FHDC1: variants seen among roughly 807,000 people sequenced by gnomAD.
FHDC1 encodes FH2 domain-containing protein 1.
A neutral mutation model predicts 52.6 loss-of-function variants in FHDC1; 25 were observed. The ratio of observed to expected loss-of-function variants is 0.48; its 90% confidence interval spans 0.35 to 0.66. The LOEUF (loss-of-function observed/expected upper bound fraction) is 0.66. Among genes scored for constraint, FHDC1 ranks in the 30% least tolerant of loss-of-function variants. FHDC1 has a pLI of 0.01. For missense variants in FHDC1, 1,459 were observed against 1,452.8 expected (o/e 1.00, Z -0.07); for synonymous variants, 616 against 581.5 (o/e 1.06, Z -0.85).
upstream of FHDC1, among the ~76,000 whole-genome samples, chr4:152,931,455 AACACACACACAC>A (rs56142204): frequency 0.24 from 30,218 of 127,218 alleles, 4,327 homozygotes; most frequent in East Asian, 0.43. Flanking sequence ...CAGCCTCTAA[AACACACACACAC>A]ACACACACAC....
chr4:152,962,696 A>G, intron 6 of FHDC1, 118 bp from the exon 7 acceptor site: 1 of 743,790 alleles, frequency 1.3e-6, no homozygotes, highest in Non-Finnish European at 2.3e-6. Context: ...TCCGTTTTAT[A>G]TACAGTTTAA....
At chr4:152,941,880 A>C (rs1367483505) in intron 1 of FHDC1, among the ~76,000 whole-genome samples, 1 of 151,492 alleles carries the variant, frequency 6.6e-6, no homozygotes, top group African/African-American at 2.4e-5. Context: ...CCCTTTCCAC[A>C]CTCCCATCTA....
At position 152,979,616 on chromosome 4, in the gene FHDC1, C is replaced by T. The variant is rs958925966; in HGVS notation, c.*2893C>T. ...AAATAAACTGAATGTATTTAATGGT[C>T]CATTTATATGTTCTTTTATGTAACA... On this transcript the variant is annotated 3_prime_UTR_variant, in exon 12 of 12. Coordinates refer to ENST00000511601, the MANE Select transcript of FHDC1 (RefSeq NM_001371116.1). The T allele has an allele frequency of 1.3e-5, 2 of 152,162 alleles. No homozygotes were observed. The highest frequency in any genetic ancestry group is 4.8e-5 in the African/African-American group (2 of 41,438). 9.4% of individuals were successfully genotyped at this position (152,162 alleles called of 1,614,324 possible).
intron 1 of FHDC1, among the ~76,000 whole-genome samples, chr4:152,941,284 G>A (rs1739566658): frequency 6.6e-6 from 1 of 152,178 alleles, no homozygotes; most frequent in Non-Finnish European, 1.5e-5. Flanking sequence ...AGCAAAGAAT[G>A]GAAATATTAC....
chr4:152,943,226 T>TCCCCCCCCCCCCCCCCCCCC lies in FHDC1; in HGVS notation c.173_174insCCCCCCCCCCCCCCCCCCCC (p.Pro65LeufsTer28). 6.2e-7 allele frequency: 1 copy of TCCCCCCCCCCCCCCCCCCCC among 1,603,520 alleles called. No homozygotes were observed. On this transcript the variant is annotated frameshift_variant, in exon 2 of 12. Coordinates refer to ENST00000511601, the MANE Select transcript of FHDC1 (RefSeq NM_001371116.1). LOFTEE classifies it high-confidence loss of function. ...ATGTTCAAGGGAAGAGTGTCCTTCC[T>TCCCCCCCCCCCCCCCCCCCC]CCCCTCCTCCACCCCCACCACCTCC...
chr4:152,950,565 G>A (rs1335801544), intron 2 of FHDC1, among the ~76,000 whole-genome samples: 1 of 152,202 alleles, frequency 6.6e-6, no homozygotes, highest in East Asian at 1.9e-4. Flanking sequence ...AGAGACGCCT[G>A]CTTCTACAGC....
chr4:152,968,009 T>C lies in FHDC1; in HGVS notation c.1130T>C (p.Leu377Pro). 1 of 1,613,830 alleles carries C rather than the reference T, an allele frequency of 6.2e-7. No homozygotes were observed. Among genetic ancestry groups the C allele is most frequent in the South Asian group, 1.1e-5 (1 of 91,030 alleles). Reference sequence around the variant, plus strand: ...TCTCTGGAGAACACGGAGGCAGAACTGCACTTGCTGTTTGTCAGGACAAAA... The same window carrying C: ...TCTCTGGAGAACACGGAGGCAGAACCGCACTTGCTGTTTGTCAGGACAAAA... ...RLSLENTEAE[L>P]HLLFVRTKSL... The change falls in exon 10 of 12, where the codon CTG (leucine) becomes CCG (proline). Residue 377 changes from leucine to proline, a missense_variant. Coordinates refer to ENST00000511601, the MANE Select transcript of FHDC1 (RefSeq NM_001371116.1).
chr4:152,939,274 C>G (rs571862358), intron 1 of FHDC1, among the ~76,000 whole-genome samples: 30 of 151,522 alleles, frequency 2.0e-4, no homozygotes, highest in East Asian at 1.7e-3. Context: ...GTGTGTGTTT[C>G]AGTGTGTGTG....
At chr4:152,924,084 G>A in the FHDC1 span, among the ~76,000 whole-genome samples, 1 of 150,798 alleles carries the variant, frequency 6.6e-6, no homozygotes, top group Non-Finnish European at 1.5e-5. Context: ...TACAAAATGG[G>A]AGAAAATTTT....
chr4:152,942,601 G>T (rs1364767275), intron 1 of FHDC1, among the ~76,000 whole-genome samples: 1 of 152,178 alleles, frequency 6.6e-6, no homozygotes, highest in South Asian at 2.1e-4. Flanking sequence ...CAAAGAGAAC[G>T]AACTAGTTAG....
chr4:152,943,008 GTCT>G lies in FHDC1; in HGVS notation c.-43_-41del. 1.3e-6 allele frequency: 2 copies of G among 1,551,660 alleles called. No homozygotes were observed. Among genetic ancestry groups the G allele is most frequent in the Non-Finnish European group, 1.7e-6 (2 of 1,145,856 alleles). On this transcript the variant is annotated 5_prime_UTR_variant, in exon 2 of 12. Coordinates refer to ENST00000511601, the MANE Select transcript of FHDC1 (RefSeq NM_001371116.1). ...AGTGCTACACAAGTTTGATGTTTGT[GTCT>G]TCTTCTCCAAGGCCAAGAAATTATC...
chr4:152,975,901 G>A lies in FHDC1; in HGVS notation c.2610G>A (p.Ala870=), dbSNP rs1184963433. ...VAPKRGSLKE[A]SPGASKPGSA... is the part of the protein sequence containing the mutation. ...CAAAGAGAGGCTCCCTGAAAGAGGCGTCTCCCGGGGCCTCCAAGCCCGGGA... is the reference window on the plus strand; with the variant it reads ...CAAAGAGAGGCTCCCTGAAAGAGGCATCTCCCGGGGCCTCCAAGCCCGGGA... Residue 870 remains alanine (A), a synonymous_variant, in exon 12 of 12, where the codon GCG becomes GCA. Coordinates refer to ENST00000511601, the MANE Select transcript of FHDC1 (RefSeq NM_001371116.1). The A allele has an allele frequency of 1.3e-6, 2 of 1,513,668 alleles. No individual in the cohort carries two copies. Among genetic ancestry groups the A allele is most frequent in the East Asian group, 2.3e-5 (1 of 44,002 alleles). The allele number at this position is 1,513,668 out of a possible 1,614,324, so 93.8% of individuals were successfully genotyped here.
chr4:152,949,170 A>AAGAAGAAGAAGAAGC lies in FHDC1; in HGVS notation c.499-4327_499-4326insAAGAAGAAGAAGCAG, dbSNP rs1165422183. ...GAAGAAGAAGAAGAAGAAGAAGAAGAAGCAGAAGAAGAAAATGGTTATGGA... is the reference window on the plus strand; with the variant it reads ...GAAGAAGAAGAAGAAGAAGAAGAAGAAGAAGAAGAAGAAGCAGCAGAAGAAGAAAATGGTTATGGA... On this transcript the variant is annotated intron_variant, in intron 2 of 11. Transcript: ENST00000511601. Among the ~76,000 whole-genome samples, 393 of 142,256 alleles carry AAGAAGAAGAAGAAGC rather than the reference A, an allele frequency of 2.8e-3. 1 individual carries two copies. Among genetic ancestry groups the AAGAAGAAGAAGAAGC allele is most frequent in the Non-Finnish European group, 4.0e-3 (257 of 64,606 alleles). The allele number at this position is 142,256 out of a possible 152,430, so 93.3% of individuals were successfully genotyped here.
intron 9 of FHDC1, 79 bp downstream of exon 9, chr4:152,965,054 C>A (rs928426989): frequency 7.5e-7 from 1 of 1,341,234 alleles, no homozygotes; most frequent in South Asian, 1.3e-5. Context: ...TTTTAGATTC[C>A]AGTTTGAAGT....
At chr4:152,953,628 G>A in intron 3 of FHDC1, 68 bp downstream of exon 3, 1 of 1,338,046 alleles carries the variant, frequency 7.5e-7, no homozygotes, top group Admixed American at 1.8e-5. Flanking sequence ...CTGTGGGTGT[G>A]ACTGAGCTGG....
Position 152,976,390 on chromosome 4 carries a change from G to A in FHDC1, c.3099G>A (p.Pro1033=), listed in dbSNP as rs139095964. The A allele has an allele frequency of 5.0e-5, 81 of 1,613,668 alleles. No individual in the cohort carries two copies. The African/African-American group carries it at 6.7e-4, about 13-fold the overall frequency. ...TCCCCCACGAACTACCCCGTGTCCC[G>A]AGCTTTGCCCGGAACACAGTGGCCT... is the stretch of plus-strand genomic sequence containing the variant. The part of the protein sequence containing the change: ...PSVPHELPRV[P]SFARNTVASS... The change falls in exon 12 of 12, where the codon CCG becomes CCA. Residue 1033 remains proline (P), a synonymous_variant. Coordinates refer to ENST00000511601, the MANE Select transcript of FHDC1 (RefSeq NM_001371116.1).
At chr4:152,964,839 C>A in intron 8 of FHDC1, 66 bp from the exon 9 acceptor site, 1 of 1,341,840 alleles carries the variant, frequency 7.5e-7, no homozygotes, top group Non-Finnish European at 1.1e-6. Context: ...TTCCTTTAAG[C>A]CCTAAGAAAA....
At chr4:152,932,244 A>T (rs889805912), upstream of FHDC1, among the ~76,000 whole-genome samples, 3 of 151,978 alleles carry the variant, frequency 2.0e-5, no homozygotes, top group African/African-American at 7.3e-5. Flanking sequence ...AAAATAAACT[A>T]AAAAAATCAG....
At chr4:152,927,221 C>T in the FHDC1 span, among the ~76,000 whole-genome samples, 28 of 152,228 alleles carry the variant, frequency 1.8e-4, no homozygotes, top group Non-Finnish European at 3.4e-4. Flanking sequence ...ATTCTCTAAA[C>T]GGGAGGCTCC....
Sources: gnomAD v4.1 joint callset for allele counts (sites outside exome capture counted in the v4.1 genomes callset) on GRCh38, gnomAD v4.1.1 for gene constraint, MANE v1.5 for transcripts, NCBI Gene and HGNC (gene_info 2026-07-23, HGNC 2026-07-21) for gene names.